LRRC9: variants seen among roughly 807,000 people sequenced by gnomAD.
The protein encoded by LRRC9 is leucine rich repeat containing 9.
A neutral mutation model predicts 63.2 loss-of-function variants in LRRC9; 122 were observed. The ratio of observed to expected loss-of-function variants is 1.93; its 90% CI spans 1.67 to 2.24. LRRC9 has a LOEUF of 2.24. LRRC9 is among the 30% of genes most tolerant of loss of function. The pLI is 0.00. For missense variants in LRRC9, 1,071 were observed against 627.7 expected (o/e 1.71, Z -7.55); for synonymous variants, 366 against 213.1 (o/e 1.72, Z -6.25).
intron 10 of LRRC9, among the ~76,000 whole-genome samples, chr14:59,965,403 T>A (rs947101898): frequency 6.6e-6 from 1 of 152,220 alleles, no homozygotes; most frequent in African/African-American, 2.4e-5. Context: ...TATTTCTGGC[T>A]TTACTTGTTT....
intron 22 of LRRC9, 96 bp downstream of exon 22, chr14:60,006,713 T>A: frequency 1.9e-6 from 1 of 525,490 alleles, no homozygotes; most frequent in East Asian, 3.1e-5. Context: ...ATTTGGAAAA[T>A]ATAAAGAAAA....
intron 8 of LRRC9, among the ~76,000 whole-genome samples, chr14:59,959,473 G>A (rs1476501686): frequency 1.3e-5 from 2 of 152,124 alleles, no homozygotes; most frequent in African/African-American, 4.8e-5. Context: ...ACTAAAATCA[G>A]TATTTATTTT....
Position 59,946,120 on chromosome 14 carries a change from A to T in LRRC9, c.882+1376A>T, listed in dbSNP as rs186066862. On this transcript the variant is annotated intron_variant, in intron 8 of 31. Coordinates refer to ENST00000445360, the Ensembl canonical transcript of LRRC9. The stretch of plus-strand genomic sequence containing the variant: ...ATATATCATTGCACTATTAATAATT[A>T]AAAAATTGGAAACTATCTAAATGTT... 1.7e-3 allele frequency among the ~76,000 whole-genome samples: 258 copies of T among 151,512 alleles called. 2 individuals are homozygous for T. The highest frequency in any genetic ancestry group is 5.2e-3 in the African/African-American group (214 of 41,452).
chr14:59,929,352 C>T (rs1889488014), intron 3 of LRRC9, among the ~76,000 whole-genome samples: 1 of 151,540 alleles, frequency 6.6e-6, no homozygotes, highest in South Asian at 2.1e-4. Context: ...TAGAGAAATG[C>T]AAATCAAAAT....
At chr14:60,065,374 G>A (rs1185687733), downstream of LRRC9, among the ~76,000 whole-genome samples, 1 of 151,596 alleles carries the variant, frequency 6.6e-6, no homozygotes, top group Non-Finnish European at 1.5e-5. Context: ...CACGCCAGGT[G>A]CAGTGGTTCA....
At chr14:60,025,515 T>C (rs962150670) in intron 27 of LRRC9, among the ~76,000 whole-genome samples, 2 of 151,994 alleles carry the variant, frequency 1.3e-5, no homozygotes, top group Admixed American at 1.3e-4. Context: ...ATGGCGAGCA[T>C]GGCAAATTAG....
Position 60,038,562 on chromosome 14 carries a change from CTGTT to C in LRRC9, c.3990+6501_3990+6504del, listed in dbSNP as rs1892656901. ...GGGGGTTCACTCACAATTTGGCTCT[CTGTT>C]TATCTGTTATTGGTGTATAGGAATG... On this transcript the variant is annotated intron_variant, in intron 29 of 31. Coordinates refer to ENST00000445360, the Ensembl canonical transcript of LRRC9. 2.0e-5 allele frequency among the ~76,000 whole-genome samples: 3 copies of C among 152,078 alleles called. No homozygotes were observed. In the South Asian group the frequency reaches 6.2e-4, roughly 31 times the overall value.
chr14:59,982,048 C>T (rs1566842295), exon 16 of LRRC9: 2 of 700,978 alleles, frequency 2.9e-6, no homozygotes, highest in Non-Finnish European at 5.2e-6. Flanking sequence ...CTAGCGTTTA[C>T]AGTCATATTG....
rs368587449 is a variant in LRRC9, at chr14:60,027,961, C to T, written c.3781C>T (p.Arg1261Ter). The change falls in exon 28 of 32, where the codon CGA becomes TGA. Residue 1261 changes from arginine to a stop codon, truncating the protein, a stop_gained. Coordinates refer to ENST00000445360, the Ensembl canonical transcript of LRRC9. LOFTEE classifies it high-confidence loss of function. This position sits in a 1 kb window ranked among gnomAD's most constrained non-coding sequence, Gnocchi z 4.0. ...ATTGGTAGTGGACCATAACCGCATCCGATCATTTAATGACAGTGCTTTTGC... is the reference window on the plus strand; with the variant it reads ...ATTGGTAGTGGACCATAACCGCATCTGATCATTTAATGACAGTGCTTTTGC... The T allele has an allele frequency of 2.8e-3, 1,955 of 701,740 alleles. 4 individuals carry two copies. The highest frequency in any genetic ancestry group is 4.4e-3 in the Non-Finnish European group (1,703 of 384,220). The allele number at this position is 701,740 out of a possible 1,614,324, so 43.5% of individuals were successfully genotyped here. A position where few individuals can be genotyped will look rare whatever the true frequency, so the allele number is the denominator to read the frequency against.
Position 59,931,721 on chromosome 14 carries a change from A to C in LRRC9, c.472+39A>C, listed in dbSNP as rs772296980. On this transcript the variant is annotated intron_variant, in intron 5 of 31. Coordinates refer to ENST00000445360, the Ensembl canonical transcript of LRRC9. ...CATTTGGAATCTGAGATAATGCTAT[A>C]ATCATTTTTTATCAATATAAAAAGT... 4.6e-5 allele frequency: 30 copies of C among 657,444 alleles called. No individual in the cohort carries two copies. In the South Asian group the frequency reaches 4.7e-4, roughly 10 times the overall value. 40.7% of individuals were successfully genotyped at this position (657,444 alleles called of 1,614,324 possible).
At chr14:59,981,859 C>G (rs1029555048) in exon 16 of LRRC9, 15 of 694,802 alleles carry the variant, frequency 2.2e-5, no homozygotes, top group Admixed American at 8.3e-5. Flanking sequence ...TCAAGGCACC[C>G]TCTTTATTTT....
downstream of LRRC9, among the ~76,000 whole-genome samples, chr14:60,065,875 A>G (rs953678454): frequency 3.3e-5 from 5 of 151,772 alleles, no homozygotes; most frequent in Non-Finnish European, 7.4e-5. Context: ...ATAGATTAGA[A>G]GCCTCCAAAG....
chr14:60,057,988 G>A, exon 31 of LRRC9: 1 of 663,506 alleles, frequency 1.5e-6, no homozygotes, highest in Non-Finnish European at 2.8e-6. Context: ...GCCATTACTT[G>A]GGATCTGACG....
chr14:60,025,740 A>C (rs1891500225), intron 27 of LRRC9, among the ~76,000 whole-genome samples: 1 of 151,998 alleles, frequency 6.6e-6, no homozygotes, highest in African/African-American at 2.4e-5. Flanking sequence ...AGTTTGCACC[A>C]GTGTGTGTTA....
chr14:59,983,023 G>A (rs1328779324), intron 16 of LRRC9, among the ~76,000 whole-genome samples: 1 of 152,158 alleles, frequency 6.6e-6, no homozygotes, highest in African/African-American at 2.4e-5. Context: ...ATTCTACTGA[G>A]ATATTAGGCC....
chr14:59,948,502 C>A (rs1329108553), intron 8 of LRRC9, among the ~76,000 whole-genome samples: 7 of 122,344 alleles, frequency 5.7e-5, no homozygotes, highest in Admixed American at 5.3e-4. Flanking sequence ...CCCTTTATTT[C>A]TTTCTCCTGC....
intron 29 of LRRC9, among the ~76,000 whole-genome samples, chr14:60,048,661 CA>C (rs1005118678): frequency 2.0e-5 from 3 of 151,472 alleles, no homozygotes; most frequent in African/African-American, 7.3e-5. Flanking sequence ...GCCTAACAAC[CA>C]AAAAAAAGCC....
At position 60,023,815 on chromosome 14, in the gene LRRC9, G is replaced by T. The variant is rs954771496; in HGVS notation, c.3703+945G>T. On this transcript the variant is annotated intron_variant, in intron 27 of 31. Transcript: ENST00000445360. ...TCCCTTGTCCCCCTACTCCCTGACA[G>T]GCCCCAGTGTGTGATGTTCCCCTCC... 3.9e-5 allele frequency among the ~76,000 whole-genome samples: 6 copies of T among 152,028 alleles called. 1 individual carries two copies. In the South Asian group the frequency reaches 1.2e-3, roughly 31 times the overall value.
Position 59,925,954 on chromosome 14 carries a change from G to A in LRRC9, c.-33-1957G>A, listed in dbSNP as rs148409617. On this transcript the variant is annotated intron_variant, in intron 1 of 31. Coordinates refer to ENST00000445360, the Ensembl canonical transcript of LRRC9. The stretch of plus-strand genomic sequence containing the variant: ...TTCTTGTGATAGTGAATTCTCACAA[G>A]ATCTGATGATTCTACAAGGGGCTTC... 2.0e-4 allele frequency among the ~76,000 whole-genome samples: 31 copies of A among 152,312 alleles called. No homozygotes were observed. The East Asian group carries it at 5.0e-3, about 25-fold the overall frequency.
Sources: gnomAD v4.1 joint callset for allele counts (sites outside exome capture counted in the v4.1 genomes callset) on GRCh38, gnomAD v4.1.1 for gene constraint, Gnocchi (gnomAD v3.1) non-coding constraint, MANE v1.5 for transcripts, NCBI Gene and HGNC (gene_info 2026-07-23, HGNC 2026-07-21) for gene names.